The following ZNF107 variants were observed in gnomAD, a reference collection of about 807,000 sequenced individuals.
ZNF107 encodes the protein zinc finger protein 107, also known as C2H2 type zinc-finger protein.
In ZNF107, 19 loss-of-function variants were observed where a neutral mutation model predicts 12.3. The ratio of observed to expected loss-of-function variants is 1.55; its 90% CI spans 1.08 to 2.27. The LOEUF (loss-of-function observed/expected upper bound fraction) is 2.27. Ranked by LOEUF, ZNF107 falls within the 30% of genes most tolerant of loss-of-function variation. ZNF107 has a pLI of 0.00. For missense variants in ZNF107, 958 were observed against 979.9 expected (o/e 0.98, Z 0.30); for synonymous variants, 317 against 330.5 (o/e 0.96, Z 0.44).
intron 3 of ZNF107, among the ~76,000 whole-genome samples, chr7:64,704,815 A>G (rs1286665057): frequency 6.6e-6 from 1 of 152,058 alleles, no homozygotes; most frequent in Non-Finnish European, 1.5e-5. Flanking sequence ...AGCTGGGAGT[A>G]CAGGAGTGCA....
At position 64,706,464 on chromosome 7, in the gene ZNF107, T is replaced by C; in HGVS notation, c.367T>C (p.Cys123Arg). The C allele has an allele frequency of 6.2e-7, 1 of 1,613,562 alleles. No individual in the cohort carries two copies. Among genetic ancestry groups the C allele is most frequent in the East Asian group, 2.2e-5 (1 of 44,840 alleles). Residue 123 changes from cysteine (C) to arginine (R), a missense_variant, in exon 4 of 4, where the codon TGT (cysteine) becomes CGT (arginine). Cys to Arg is a radical substitution (Grantham distance 180). Coordinates refer to ENST00000620827, the MANE Select transcript of ZNF107 (RefSeq NM_001282359.2). Reference sequence around the variant, plus strand: ...AAAAGGCTGTAAACATGTGGATGAGTGTACGGGGCACAAAGGAGGTCATAA... The same window carrying C: ...AAAAGGCTGTAAACATGTGGATGAGCGTACGGGGCACAAAGGAGGTCATAA... Reference protein sequence around the residue: ...LRKGCKHVDECTGHKGGHNTV... With the variant: ...LRKGCKHVDERTGHKGGHNTV...
chr7:64,685,885 C>T (rs1789887142), intron 1 of ZNF107, among the ~76,000 whole-genome samples: 1 of 152,124 alleles, frequency 6.6e-6, no homozygotes, highest in African/African-American at 2.4e-5. Flanking sequence ...AGCCCAAGTC[C>T]ATCAGCATAG....
At chr7:64,690,856 C>T (rs1790093568) in intron 1 of ZNF107, among the ~76,000 whole-genome samples, 1 of 152,128 alleles carries the variant, frequency 6.6e-6, no homozygotes, top group Admixed American at 6.5e-5. Flanking sequence ...ATTCTCCTGC[C>T]TTAGCCTCCC....
chr7:64,705,556 G>A (rs1790610586), intron 3 of ZNF107, among the ~76,000 whole-genome samples: 2 of 152,002 alleles, frequency 1.3e-5, no homozygotes, highest in Non-Finnish European at 2.9e-5. Flanking sequence ...TTGAAATTTG[G>A]AAATTAAAAA....
At chr7:64,684,452 T>C in intron 1 of ZNF107, 1 of 420,918 alleles carries the variant, frequency 2.4e-6, no homozygotes, top group Non-Finnish European at 3.2e-6. Flanking sequence ...GGTACCCCAA[T>C]GGCTGTCTGC....
rs1425950009 is a variant in ZNF107, at chr7:64,694,596, G to T, written c.226+2636G>T. Among the ~76,000 whole-genome samples the T allele has an allele frequency of 4.0e-5, 6 of 151,262 alleles. 1 individual carries two copies. Among genetic ancestry groups the T allele is most frequent in the African/African-American group, 1.5e-4 (6 of 41,100 alleles). On this transcript the variant is annotated intron_variant, in intron 3 of 3. Transcript: ENST00000620827. ...AACTGAGGCTGGTCTTTAAATCCTG[G>T]TCTGAAGCAGTTCTTCAACCTGAAT...
In ZNF107 at chr7:64,706,683, A is replaced by G; in HGVS notation, c.586A>G (p.Thr196Ala). ...ACTAACTCAGCATAGAAGAATTCAT[A>G]CTAGAGTGAATTCCTACAAATGTGA... ...SQLTQHRRIH[T>A]RVNSYKCEEC... Residue 196 changes from threonine to alanine, a missense_variant, in exon 4 of 4, where the codon ACT becomes GCT. Transcript: ENST00000620827. The G allele has an allele frequency of 6.2e-7, 1 of 1,613,068 alleles. No homozygotes were observed. The highest frequency in any genetic ancestry group is 8.5e-7 in the Non-Finnish European group (1 of 1,179,596).
chr7:64,703,385 T>TA (rs71055268), intron 3 of ZNF107, among the ~76,000 whole-genome samples: 10,838 of 152,212 alleles, frequency 0.071, 576 homozygotes, highest in East Asian at 0.27. Flanking sequence ...TGAGCAGTCA[T>TA]AAAAATTCTC....
intron 3 of ZNF107, among the ~76,000 whole-genome samples, chr7:64,698,137 G>A (rs1790357724): frequency 6.6e-6 from 1 of 152,032 alleles, no homozygotes; most frequent in South Asian, 2.1e-4. Flanking sequence ...TTTTCATTGT[G>A]ATTTTTATGC....
In ZNF107 at chr7:64,707,671, C is replaced by G; in HGVS notation, c.1574C>G (p.Thr525Ser). The change falls in exon 4 of 4, where the codon ACT becomes AGT. Residue 525 changes from threonine to serine, a missense_variant. Coordinates refer to ENST00000620827, the MANE Select transcript of ZNF107 (RefSeq NM_001282359.2). ...GCTTTTAGCCAGTCTTCAAACCTTA[C>G]TGAACATAAGAAAATTCATACTGGA... Reference protein sequence around the residue: ...DRAFSQSSNLTEHKKIHTGEK... With the variant: ...DRAFSQSSNLSEHKKIHTGEK... The G allele has an allele frequency of 6.2e-7, 1 of 1,612,532 alleles. No homozygotes were observed. Among genetic ancestry groups the G allele is most frequent in the Non-Finnish European group, 8.5e-7 (1 of 1,179,562 alleles).
chr7:64,698,088 T>C (rs552754683), intron 3 of ZNF107, among the ~76,000 whole-genome samples: 5 of 152,350 alleles, frequency 3.3e-5, no homozygotes, highest in South Asian at 2.1e-4. Flanking sequence ...CTTTAAAAAA[T>C]TGATAATGGC....
At position 64,708,049 on chromosome 7, in the gene ZNF107, T is replaced by C. The variant is rs1232784591; in HGVS notation, c.1952T>C (p.Phe651Ser). The C allele has an allele frequency of 1.2e-6, 2 of 1,611,236 alleles. No homozygotes were observed. Among genetic ancestry groups the C allele is most frequent in the African/African-American group, 2.7e-5 (2 of 74,146 alleles). ...IIHTGENLYK[F>S]EEHGKAFNLF... ...CATACTGGAGAGAACCTCTACAAAT[T>C]TGAAGAACATGGAAAAGCTTTTAAC... Residue 651 changes from phenylalanine to serine, a missense_variant, in exon 4 of 4, where the codon TTT (phenylalanine) becomes TCT (serine). Phe to Ser is a radical substitution (Grantham distance 155). Transcript: ENST00000620827.
Position 64,708,712 on chromosome 7 carries a change from ATG to A in ZNF107, c.*59_*60del. On this transcript the variant is annotated 3_prime_UTR_variant, in exon 4 of 4. Coordinates refer to ENST00000620827, the MANE Select transcript of ZNF107 (RefSeq NM_001282359.2). ...AATTCATACTGGAGAGAAACTACAA[ATG>A]TGAAGAATGTGTTAAAGCCTTTAAC... 6.7e-7 allele frequency: 1 copy of A among 1,492,174 alleles called. No individual in the cohort carries two copies. The highest frequency in any genetic ancestry group is 1.3e-5 in the South Asian group (1 of 78,534). The allele number at this position is 1,492,174 out of a possible 1,614,324, so 92.4% of individuals were successfully genotyped here. A position where few individuals can be genotyped will look rare whatever the true frequency, so the allele number is the denominator to read the frequency against.
rs1790879544 is a variant in ZNF107, at chr7:64,711,326, T to A, written c.*2670T>A. The A allele has an allele frequency of 6.6e-6, 1 of 152,226 alleles. No individual in the cohort carries two copies. Among genetic ancestry groups the A allele is most frequent in the South Asian group, 2.1e-4 (1 of 4,838 alleles). 9.4% of individuals were successfully genotyped at this position (152,226 alleles called of 1,614,324 possible). A position where few individuals can be genotyped will look rare whatever the true frequency, so the allele number is the denominator to read the frequency against. ...TTAATTTTTGTGGATACATAGTATG[T>A]GTATATCTTTATGCCATGTATGGCA... On this transcript the variant is annotated 3_prime_UTR_variant, in exon 4 of 4. Transcript: ENST00000620827.
intron 1 of ZNF107, among the ~76,000 whole-genome samples, chr7:64,679,567 C>T (rs2128958604): frequency 6.6e-6 from 1 of 152,242 alleles, no homozygotes; most frequent in East Asian, 2.0e-4. Flanking sequence ...TCGTTTCTCT[C>T]TCCCTGTCTC....
intron 3 of ZNF107, among the ~76,000 whole-genome samples, chr7:64,699,820 G>T (rs890019701): frequency 6.6e-6 from 1 of 152,064 alleles, no homozygotes; most frequent in African/African-American, 2.4e-5. Flanking sequence ...TGTAATCCCA[G>T]CACTTTGGGA....
rs1790111103 is a variant in ZNF107, at chr7:64,691,330, A to G, written c.86A>G (p.Tyr29Cys). 2.0e-5 allele frequency: 31 copies of G among 1,539,044 alleles called. No homozygotes were observed. The highest frequency in any genetic ancestry group is 2.7e-5 in the Non-Finnish European group (31 of 1,145,314). Residue 29 changes from tyrosine (Y) to cysteine (C), a missense_variant, in exon 2 of 4, where the codon TAT becomes TGT. Transcript: ENST00000620827. ...CTGGATACTGCACAGCGGGATTTAT[A>G]TAGGAATGTGTTGTTAGAGAACTAC... ...QCLDTAQRDL[Y>C]RNVLLENYRN...
rs71055267 is a variant in ZNF107, at chr7:64,700,535, T to TTG, written c.227-5789_227-5788insTG. Among the ~76,000 whole-genome samples the TTG allele has an allele frequency of 7.5e-4, 23 of 30,500 alleles. 1 individual carries two copies. In the South Asian group the frequency reaches 0.012, roughly 16 times the overall value. The allele number at this position is 30,500 out of a possible 152,430, so 20.0% of individuals were successfully genotyped here. A position where few individuals can be genotyped will look rare whatever the true frequency, so the allele number is the denominator to read the frequency against. ...TTTTTTTTTTTTTTTTTTTTTTTTT[T>TTG]GAGACTGAGTCTTCCTCTGTTGCCC... is the stretch of plus-strand genomic sequence containing the variant. On this transcript the variant is annotated intron_variant, in intron 3 of 3. Transcript: ENST00000620827.
At position 64,691,364 on chromosome 7, in the gene ZNF107, G is replaced by A; in HGVS notation, c.120G>A (p.Leu40=). 2 of 1,481,160 alleles carry A rather than the reference G, an allele frequency of 1.4e-6. No homozygotes were observed. The highest frequency in any genetic ancestry group is 1.8e-6 in the Non-Finnish European group (2 of 1,116,608). 91.8% of individuals were successfully genotyped at this position (1,481,160 alleles called of 1,614,324 possible). Residue 40 remains leucine, a synonymous_variant, in exon 2 of 4, where the codon CTG becomes CTA. Coordinates refer to ENST00000620827, the MANE Select transcript of ZNF107 (RefSeq NM_001282359.2). ...TGTTGTTAGAGAACTACAGAAACCT[G>A]GTCTTTTTGGGTGAGGATAACTTCA... is the stretch of plus-strand genomic sequence containing the variant. ...RNVLLENYRN[L]VFLGIAVSKP...
Sources: allele counts gnomAD v4.1 joint callset (sites outside exome capture counted in the v4.1 genomes callset), GRCh38; gene constraint gnomAD v4.1.1; transcripts MANE v1.5; gene names NCBI Gene and HGNC (gene_info 2026-07-23, HGNC 2026-07-21).